Variants in RASGRF1 observed in about 807,000 individuals in gnomAD.
The protein encoded by RASGRF1 is ras-specific guanine nucleotide-releasing factor 1.
Under a neutral mutation model 138.7 loss-of-function variants are expected in RASGRF1, and 40 were observed. That is an observed-to-expected ratio of 0.29 (90% CI 0.22 to 0.38). The LOEUF (loss-of-function observed/expected upper bound fraction) is 0.38. Among genes scored for constraint, RASGRF1 ranks in the 10% least tolerant of loss-of-function variants. The pLI is 1.00. For synonymous variants in RASGRF1, 614 were observed against 663.2 expected (o/e 0.93, Z 1.14); for missense variants, 1,108 against 1,650.4 (o/e 0.67, Z 5.69).
chr15:78,961,880 T>C lies in RASGRF1; in HGVS notation c.*264A>G, dbSNP rs1038983421. On this transcript the variant is annotated 3_prime_UTR_variant, in exon 27 of 27. Coordinates refer to ENST00000558480, the MANE Select transcript of RASGRF1 (RefSeq NM_001145648.3). ...GGTGCTGTTTCCCCTCTGAGAAGAG[T>C]GAGGAGTCTAGGGAAGAGGGACCAA... is the stretch of plus-strand genomic sequence containing the variant. 8.4e-6 allele frequency: 3 copies of C among 359,056 alleles called. No homozygotes were observed. The highest frequency in any genetic ancestry group is 2.3e-5 in the African/African-American group (1 of 43,742). 22.2% of individuals were successfully genotyped at this position (359,056 alleles called of 1,614,324 possible). A position where few individuals can be genotyped will look rare whatever the true frequency, so the allele number is the denominator to read the frequency against.
In RASGRF1 at chr15:79,032,553, C is replaced by G. The variant is rs1303370761; in HGVS notation, c.959-237G>C. On this transcript the variant is annotated intron_variant, in intron 6 of 26. Transcript: ENST00000558480. This position sits in a 1 kb window ranked among gnomAD's most constrained non-coding sequence, Gnocchi z 4.5. ...ATCACAGACTCTTAGAGACGTGGGG[C>G]CCTGTCTAGTCGACACTTGTGATGG... Among the ~76,000 whole-genome samples the G allele has an allele frequency of 6.6e-6, 1 of 152,182 alleles. No individual in the cohort carries two copies. Among genetic ancestry groups the G allele is most frequent in the Non-Finnish European group, 1.5e-5 (1 of 68,030 alleles).
chr15:79,061,356 T>A (rs1024662824), intron 2 of RASGRF1, among the ~76,000 whole-genome samples: 2 of 149,402 alleles, frequency 1.3e-5, no homozygotes, highest in African/African-American at 5.0e-5. Context: ...TGTTTCATGC[T>A]GCTGAGTTGG....
At chr15:79,069,507 G>A (rs767751277) in intron 1 of RASGRF1, among the ~76,000 whole-genome samples, 3 of 152,202 alleles carry the variant, frequency 2.0e-5, no homozygotes, top group Admixed American at 1.3e-4. Context: ...AGGAATATAA[G>A]TGATAGAATT....
At position 79,058,476 on chromosome 15, in the gene RASGRF1, C is replaced by A. The variant is rs760466769; in HGVS notation, c.389G>T (p.Arg130Met). The part of the protein sequence containing the change: ...WVAAIAHASY[R>M]TLATEHEALM... ...TGCCTCATGCTCTGTGGCGAGGGTC[C>A]TGTAGCTGTGGACAGATGGACATGG... Residue 130 changes from arginine to methionine, a missense_variant, in exon 3 of 27, where the codon AGG becomes ATG. Transcript: ENST00000558480. The A allele has an allele frequency of 8.1e-6, 13 of 1,614,096 alleles. No individual in the cohort carries two copies. Among genetic ancestry groups the A allele is most frequent in the Non-Finnish European group, 1.1e-5 (13 of 1,179,978 alleles).
chr15:78,983,680 T>G (rs2056085149), intron 23 of RASGRF1, among the ~76,000 whole-genome samples: 1 of 152,076 alleles, frequency 6.6e-6, no homozygotes, highest in Admixed American at 6.5e-5. Context: ...CCAAACGAGG[T>G]TGGGTGACTT....
Position 78,960,959 on chromosome 15 carries a change from T to A in RASGRF1, c.*1185A>T, listed in dbSNP as rs994724554. 6.6e-6 allele frequency: 1 copy of A among 152,350 alleles called. No individual in the cohort carries two copies. The highest frequency in any genetic ancestry group is 1.5e-5 in the Non-Finnish European group (1 of 68,032). 9.4% of individuals were successfully genotyped at this position (152,350 alleles called of 1,614,324 possible). Reference sequence around the variant, plus strand: ...GCAAGAGGTAATCAGGAAACATATATTTTTACAAAAATGGAAATTTTTTTC... The same window carrying A: ...GCAAGAGGTAATCAGGAAACATATAATTTTACAAAAATGGAAATTTTTTTC... On this transcript the variant is annotated 3_prime_UTR_variant, in exon 27 of 27. Transcript: ENST00000558480.
intron 23 of RASGRF1, among the ~76,000 whole-genome samples, chr15:78,982,917 G>A (rs1428558201): frequency 6.6e-6 from 1 of 152,096 alleles, no homozygotes; most frequent in Non-Finnish European, 1.5e-5. Context: ...GATGGGGAGA[G>A]GGGTTAAAAG....
Position 79,046,925 on chromosome 15 carries a change from G to C in RASGRF1, c.699C>G (p.Pro233=), listed in dbSNP as rs377538767. 1.9e-6 allele frequency: 3 copies of C among 1,613,998 alleles called. No individual in the cohort carries two copies. The African/African-American group carries it at 4.0e-5, about 22-fold the overall frequency. The change falls in exon 5 of 27, where the codon CCC becomes CCG. Residue 233 remains proline (P), a synonymous_variant. Coordinates refer to ENST00000558480, the MANE Select transcript of RASGRF1 (RefSeq NM_001145648.3). The surrounding 1 kb of genome is among the most constrained non-coding windows in gnomAD (Gnocchi z 5.3). ...TCCTCTTGCGCATGCTGTCAGCATG[G>C]GGTGACCGGATGTAGTCCTGGATGA... ...KTIIQDYIRS[P]HADSMRKRNQ... is the part of the protein sequence containing the mutation.
rs2057418531 is a variant in RASGRF1 at position 79,050,681 on chromosome 15, G to A, written c.532-1093C>T. Reference sequence around the variant, plus strand: ...GACATAGCTGCAAGAACAAAACCAAGGCATGGTGCCTAGGAGAAGGTACAC... The same window carrying A: ...GACATAGCTGCAAGAACAAAACCAAAGCATGGTGCCTAGGAGAAGGTACAC... On this transcript the variant is annotated intron_variant, in intron 3 of 26. Coordinates refer to ENST00000558480, the MANE Select transcript of RASGRF1 (RefSeq NM_001145648.3). This position sits in a 1 kb window ranked among gnomAD's most constrained non-coding sequence, Gnocchi z 4.1. Among the ~76,000 whole-genome samples the A allele has an allele frequency of 6.6e-6, 1 of 152,218 alleles. No individual in the cohort carries two copies. Among genetic ancestry groups the A allele is most frequent in the South Asian group, 2.1e-4 (1 of 4,832 alleles).
chr15:78,969,625 C>T (rs940171113), intron 26 of RASGRF1, among the ~76,000 whole-genome samples: 3 of 151,908 alleles, frequency 2.0e-5, no homozygotes, highest in South Asian at 2.1e-4. Context: ...ACTGAGATCG[C>T]GCCATTGCAC....
chr15:79,074,799 C>T (rs1462259175), intron 1 of RASGRF1, among the ~76,000 whole-genome samples: 1 of 152,196 alleles, frequency 6.6e-6, no homozygotes, highest in African/African-American at 2.4e-5. Context: ...CTTGGTGAAC[C>T]ACTTCTAAAG....
At chr15:78,999,030 C>T (rs1290771115) in intron 17 of RASGRF1, among the ~76,000 whole-genome samples, 1 of 152,172 alleles carries the variant, frequency 6.6e-6, no homozygotes, top group Non-Finnish European at 1.5e-5. Flanking sequence ...TCCATGCATG[C>T]CCAGCCTCTT....
chr15:79,049,728 T>C (rs1032029261), intron 3 of RASGRF1, 140 bp from the exon 4 acceptor site: 7 of 661,000 alleles, frequency 1.1e-5, no homozygotes. Flanking sequence ...CCACAGCTTG[T>C]GATTCTGACT....
At chr15:78,976,584 A>C (rs74024499) in intron 24 of RASGRF1, among the ~76,000 whole-genome samples, 178 of 151,618 alleles carry the variant, frequency 1.2e-3, no homozygotes, top group East Asian at 4.3e-3. Context: ...ACACACACAC[A>C]CCCATCCGAA....
At position 79,006,253 on chromosome 15, in the gene RASGRF1, T is replaced by C. The variant is rs2056671789; in HGVS notation, c.2008A>G (p.Thr670Ala). The C allele has an allele frequency of 6.2e-7, 1 of 1,613,956 alleles. No individual in the cohort carries two copies. The highest frequency in any genetic ancestry group is 1.3e-5 in the African/African-American group (1 of 74,868). The change falls in exon 14 of 27, where the codon ACC becomes GCC. Residue 670 changes from threonine (T) to alanine (A), a missense_variant. By Grantham distance (58) the Thr-to-Ala change is moderately conservative (BLOSUM62 0). Transcript: ENST00000558480. This position sits in a 1 kb window ranked among gnomAD's most constrained non-coding sequence, Gnocchi z 4.0. Reference sequence around the variant, plus strand: ...AGCTTGTCCAGGACCACGATGGCGGTGGTGAAGACGCGGTAGGAGTGCAGG... The same window carrying C: ...AGCTTGTCCAGGACCACGATGGCGGCGGTGAAGACGCGGTAGGAGTGCAGG... Reference protein sequence around the residue: ...TFLHSYRVFTTAIVVLDKLIT... With the variant: ...TFLHSYRVFTAAIVVLDKLIT...
chr15:79,000,273 C>A (rs1261618870), intron 16 of RASGRF1, among the ~76,000 whole-genome samples: 1 of 152,242 alleles, frequency 6.6e-6, no homozygotes, highest in Non-Finnish European at 1.5e-5. Context: ...CTTACCCTCT[C>A]AGTCTACTTG....
Position 79,039,977 on chromosome 15 carries a change from C to T in RASGRF1, c.879-4767G>A, listed in dbSNP as rs142908016. On this transcript the variant is annotated intron_variant, in intron 5 of 26. Coordinates refer to ENST00000558480, the MANE Select transcript of RASGRF1 (RefSeq NM_001145648.3). Reference sequence around the variant, plus strand: ...AGAGATGGGATCTCCCTATGTTGCCCGGGCTGGCCTTGAATTCCTGGCTAA... The same window carrying T: ...AGAGATGGGATCTCCCTATGTTGCCTGGGCTGGCCTTGAATTCCTGGCTAA... 1.2e-4 allele frequency among the ~76,000 whole-genome samples: 18 copies of T among 152,194 alleles called. No individual in the cohort carries two copies. In the East Asian group the frequency reaches 1.4e-3, roughly 11 times the overall value.
chr15:79,090,537 T>C lies in RASGRF1; in HGVS notation c.-39A>G. On this transcript the variant is annotated 5_prime_UTR_variant, in exon 1 of 27. Coordinates refer to ENST00000558480, the MANE Select transcript of RASGRF1 (RefSeq NM_001145648.3). ...CAGCGAGACCCCACGCGCTTACATC[T>C]TCTCCGCGCAGCAGCCCCCCGTCCG... 1 of 1,594,164 alleles carries C rather than the reference T, an allele frequency of 6.3e-7. No homozygotes were observed. Among genetic ancestry groups the C allele is most frequent in the South Asian group, 1.1e-5 (1 of 90,444 alleles).
chr15:79,012,294 G>A (rs1171904387), intron 13 of RASGRF1, among the ~76,000 whole-genome samples: 6 of 152,042 alleles, frequency 3.9e-5, no homozygotes, highest in African/African-American at 1.2e-4. Flanking sequence ...CTGGTCCTTC[G>A]AGGCCAGCTC....
Sources: gnomAD v4.1 joint callset for allele counts (sites outside exome capture counted in the v4.1 genomes callset) on GRCh38, gnomAD v4.1.1 for gene constraint, Gnocchi (gnomAD v3.1) non-coding constraint, MANE v1.5 for transcripts, NCBI Gene and HGNC (gene_info 2026-07-23, HGNC 2026-07-21) for gene names.